The following PDE4D variants were observed in gnomAD, a reference collection of about 807,000 sequenced individuals.
PDE4D encodes 3',5'-cyclic-AMP phosphodiesterase 4D.
Under a neutral mutation model 87.4 loss-of-function variants are expected in PDE4D, and 24 were observed. The observed-to-expected ratio is 0.27, with a 90% CI of 0.20 to 0.39. PDE4D has a LOEUF of 0.39. Among genes scored for constraint, PDE4D ranks in the 10% least tolerant of loss-of-function variants. PDE4D has a pLI of 1.00. For missense variants in PDE4D, 714 were observed against 1,041.0 expected (o/e 0.69, Z 4.32); for synonymous variants, 384 against 383.2 (o/e 1.00, Z -0.02).
At chr5:59,772,887 C>T (rs997936647) in intron 1 of PDE4D, among the ~76,000 whole-genome samples, 1 of 152,100 alleles carries the variant, frequency 6.6e-6, no homozygotes, top group Admixed American at 6.6e-5. Flanking sequence ...TTTTGAACCC[C>T]AGAAGTACTA....
intron 2 of PDE4D, among the ~76,000 whole-genome samples, chr5:60,139,416 G>A (rs1197656502): frequency 2.6e-5 from 4 of 152,184 alleles, no homozygotes; most frequent in African/African-American, 9.6e-5. Context: ...ATCATATACA[G>A]TAGTTTCAAT....
chr5:59,397,253 C>A (rs1562104520), intron 1 of PDE4D, among the ~76,000 whole-genome samples: 1 of 122,050 alleles, frequency 8.2e-6, no homozygotes, highest in African/African-American at 3.3e-5. Flanking sequence ...ACAGAACTCT[C>A]CACTCCAAAT....
intron 1 of PDE4D, among the ~76,000 whole-genome samples, chr5:59,694,010 C>T (rs1319114793): frequency 1.3e-5 from 2 of 151,902 alleles, no homozygotes; most frequent in African/African-American, 2.4e-5. Flanking sequence ...TGAATTTATA[C>T]TCGGGGAGGA....
At chr5:59,316,554 A>T (rs559147826) in intron 1 of PDE4D, among the ~76,000 whole-genome samples, 1 of 152,294 alleles carries the variant, frequency 6.6e-6, no homozygotes, top group African/African-American at 2.4e-5. Context: ...CTGTTGATTT[A>T]TATATAAACT....
chr5:60,183,854 A>T (rs1250614715), intron 2 of PDE4D, among the ~76,000 whole-genome samples: 1 of 152,226 alleles, frequency 6.6e-6, no homozygotes, highest in Non-Finnish European at 1.5e-5. Context: ...CCCTAAAGTG[A>T]CAACTTCTAA....
chr5:59,445,259 A>G lies in PDE4D; in HGVS notation c.456-229291T>C, dbSNP rs565516776. The stretch of plus-strand genomic sequence containing the variant: ...TATGCCTATATTTAAATCAAGATAA[A>G]TAAGTCAATTTTAGTGAAGGAAGAA... On this transcript the variant is annotated intron_variant, in intron 1 of 14. Transcript: ENST00000340635. 5.3e-5 allele frequency among the ~76,000 whole-genome samples: 8 copies of G among 152,348 alleles called. No individual in the cohort carries two copies. The South Asian group carries it at 1.7e-3, about 32-fold the overall frequency.
At chr5:60,105,100 G>A (rs573296868) in intron 2 of PDE4D, among the ~76,000 whole-genome samples, 13 of 152,202 alleles carry the variant, frequency 8.5e-5, no homozygotes, top group Admixed American at 8.5e-4. Flanking sequence ...AGGCAAAGAA[G>A]TTGAAAACTT....
chr5:59,315,156 C>T (rs377389087), intron 1 of PDE4D, among the ~76,000 whole-genome samples: 28 of 152,126 alleles, frequency 1.8e-4, no homozygotes, highest in African/African-American at 6.8e-4. Flanking sequence ...TTCCCCTCAC[C>T]CTTCCACGTG....
At chr5:60,023,739 CA>C (rs1216767259) in intron 2 of PDE4D, among the ~76,000 whole-genome samples, 9 of 152,082 alleles carry the variant, frequency 5.9e-5, no homozygotes, top group African/African-American at 2.2e-4. Flanking sequence ...CATACTATTC[CA>C]GGTCAGCAAA....
At chr5:59,386,550 C>T (rs1225853637) in intron 1 of PDE4D, among the ~76,000 whole-genome samples, 2 of 151,648 alleles carry the variant, frequency 1.3e-5, no homozygotes, top group Admixed American at 6.6e-5. Flanking sequence ...CATGGTGGCT[C>T]ATGTCTGCAA....
chr5:59,330,121 G>C (rs149934832), intron 1 of PDE4D, among the ~76,000 whole-genome samples: 60 of 152,230 alleles, frequency 3.9e-4, no homozygotes, highest in African/African-American at 1.4e-3. Flanking sequence ...ATTAATGAAT[G>C]ATATAAACAA....
intron 1 of PDE4D, among the ~76,000 whole-genome samples, chr5:59,718,218 T>A (rs1393010117): frequency 1.3e-5 from 2 of 152,222 alleles, no homozygotes; most frequent in African/African-American, 4.8e-5. Context: ...AGAGTAAGAA[T>A]ACTTATTTCG....
chr5:59,296,772 AACACACAC>A lies in PDE4D; in HGVS notation c.456-80812_456-80805del, dbSNP rs10560642. Reference sequence around the variant, plus strand: ...GGAGCTGGTACAGTTAGAAATTAGTAACACACACACACACACACACACACACGCGTGCA... The same window carrying A: ...GGAGCTGGTACAGTTAGAAATTAGTAACACACACACACACACACGCGTGCA... On this transcript the variant is annotated intron_variant, in intron 1 of 14. Coordinates refer to ENST00000340635, the MANE Select transcript of PDE4D (RefSeq NM_001104631.2). Among the ~76,000 whole-genome samples the A allele has an allele frequency of 1.6e-3, 243 of 150,048 alleles. 1 individual carries two copies. The highest frequency in any genetic ancestry group is 5.4e-3 in the African/African-American group (221 of 40,824).
intron 1 of PDE4D, among the ~76,000 whole-genome samples, chr5:59,428,922 C>CCTAT (rs1232887225): frequency 3.9e-5 from 6 of 152,118 alleles, no homozygotes; most frequent in Admixed American, 2.6e-4. Context: ...AATCCCAAGA[C>CCTAT]CTATACAATT....
chr5:59,955,715 C>T (rs1257009590), intron 3 of PDE4D, among the ~76,000 whole-genome samples: 2 of 152,158 alleles, frequency 1.3e-5, no homozygotes, highest in Admixed American at 1.3e-4. Flanking sequence ...CACAACATCT[C>T]CCTAAGGCAG....
intron 1 of PDE4D, among the ~76,000 whole-genome samples, chr5:60,260,783 G>A (rs752209943): frequency 5.9e-5 from 9 of 152,058 alleles, no homozygotes; most frequent in Non-Finnish European, 1.3e-4. Context: ...ATTTCACAAT[G>A]AGTTCCTAAG....
chr5:59,215,823 G>T lies in PDE4D; in HGVS notation c.601C>A (p.Leu201Ile), dbSNP rs762270122. 7.4e-6 allele frequency: 12 copies of T among 1,613,634 alleles called. No individual in the cohort carries two copies. In the East Asian group the frequency reaches 2.2e-4, roughly 30 times the overall value. Residue 201 changes from leucine (L) to isoleucine (I), a missense_variant, in exon 2 of 15, where the codon CTC becomes ATC. Coordinates refer to ENST00000340635, the MANE Select transcript of PDE4D (RefSeq NM_001104631.2). ...TTCCGGGACATAGACTTTGGAGAGA[G>T]GTCATAATCGCTGTCGGATCGATAC... is the stretch of plus-strand genomic sequence containing the variant. ...FLYRSDSDYD[L>I]SPKSMSRNSS...
At position 60,433,798 on chromosome 5, in the gene PDE4D, A is replaced by T. The variant is rs116400766; in HGVS notation, c.-90+54144T>A. ...AACATGTATGCGGCTGGAGGCCATT[A>T]TCCTAAGAGAACTAACACAGGAACA... is the stretch of plus-strand genomic sequence containing the variant. On this transcript the variant is annotated intron_variant, in intron 1 of 16. Coordinates refer to the PDE4D transcript ENST00000502484. Among the ~76,000 whole-genome samples, 1,060 of 152,368 alleles carry T rather than the reference A, an allele frequency of 7.0e-3. 9 individuals are homozygous for T. The highest frequency in any genetic ancestry group is 0.023 in the African/African-American group (960 of 41,596).
At chr5:60,052,112 C>G (rs1294136029) in intron 2 of PDE4D, among the ~76,000 whole-genome samples, 1 of 152,138 alleles carries the variant, frequency 6.6e-6, no homozygotes, top group Non-Finnish European at 1.5e-5. Flanking sequence ...ACCAGAGGTA[C>G]AAAGAGGAGC....
Sources: allele counts gnomAD v4.1 joint callset (sites outside exome capture counted in the v4.1 genomes callset), GRCh38; gene constraint gnomAD v4.1.1; transcripts MANE v1.5; gene names NCBI Gene and HGNC (gene_info 2026-07-23, HGNC 2026-07-21).